SRGAP2: variants seen among roughly 807,000 people sequenced by gnomAD.
The protein encoded by SRGAP2 is SLIT-ROBO Rho GTPase-activating protein 2.
A neutral mutation model predicts 57.2 loss-of-function variants in SRGAP2; 15 were observed. That is an observed-to-expected ratio of 0.26 (90% confidence interval 0.18 to 0.40). The LOEUF (loss-of-function observed/expected upper bound fraction) is 0.40. Ranked by LOEUF, SRGAP2 falls within the 10% of genes least tolerant of loss-of-function variation. SRGAP2 has a pLI of 1.00. For missense variants in SRGAP2, 520 were observed against 669.6 expected (o/e 0.78, Z 2.47); for synonymous variants, 249 against 248.0 (o/e 1.00, Z -0.04).
intron 18 of SRGAP2, among the ~76,000 whole-genome samples, chr1:206,447,712 T>C (rs1027464615): frequency 6.6e-6 from 1 of 152,194 alleles, no homozygotes; most frequent in Non-Finnish European, 1.5e-5. Flanking sequence ...TAGCATTCCC[T>C]TCCTTCTAAA....
intron 7 of SRGAP2, among the ~76,000 whole-genome samples, chr1:206,394,038 CTTTTTTTTTT>C (rs577375533): frequency 4.0e-5 from 2 of 49,900 alleles, no homozygotes; most frequent in Admixed American, 2.3e-4. Flanking sequence ...TACTTTCTTC[CTTTTTTTTTT>C]TTTTTTTTTT....
chr1:206,458,743 C>T lies in SRGAP2; in HGVS notation c.2628C>T (p.Ser876=), dbSNP rs1412660478. The change falls in exon 22 of 23, where the codon TCC becomes TCT. Residue 876 remains serine, a synonymous_variant. Transcript: ENST00000573034. ...GGGTGGGGGCTAGCTGCCGCCCATC[C>T]TCCCAGCCCATCATGAGCCAGAGCC... The part of the protein sequence containing the change: ...SPGVGASCRP[S]SQPIMSQSLP... 1 of 780,660 alleles carries T rather than the reference C, an allele frequency of 1.3e-6. No individual in the cohort carries two copies. Among genetic ancestry groups the T allele is most frequent in the Admixed American group, 1.7e-5 (1 of 59,014 alleles). 48.4% of individuals were successfully genotyped at this position (780,660 alleles called of 1,614,324 possible).
chr1:206,434,152 A>T (rs1055020949), intron 14 of SRGAP2, among the ~76,000 whole-genome samples: 17 of 152,184 alleles, frequency 1.1e-4, no homozygotes, highest in Non-Finnish European at 1.5e-4. Flanking sequence ...CATCCTAACT[A>T]TCCTCAAATC....
chr1:206,357,614 G>T (rs1462737779), intron 4 of SRGAP2, among the ~76,000 whole-genome samples: 3 of 135,722 alleles, frequency 2.2e-5, no homozygotes, highest in East Asian at 2.1e-4. Context: ...TGGAGATGGA[G>T]TTTCTTTTTT....
Position 206,454,589 on chromosome 1 carries a change from G to T in SRGAP2, c.2361-289G>T. ...GCACGGCCTCCCCAGGAAGCAGCAT[G>T]GGGTAGAAGGCAGATGCCTCGAATC... On this transcript the variant is annotated intron_variant, in intron 20 of 22. Coordinates refer to ENST00000573034, the MANE Select transcript of SRGAP2 (RefSeq NM_015326.5). This position sits in a 1 kb window ranked among gnomAD's most constrained non-coding sequence, Gnocchi z 4.3. 2.3e-6 allele frequency: 1 copy of T among 436,406 alleles called. No individual in the cohort carries two copies. The highest frequency in any genetic ancestry group is 4.1e-6 in the Non-Finnish European group (1 of 246,496). 27.0% of individuals were successfully genotyped at this position (436,406 alleles called of 1,614,324 possible).
chr1:206,205,639 A>G lies in SRGAP2; in HGVS notation c.-332A>G. 1 of 258,680 alleles carries G rather than the reference A, an allele frequency of 3.9e-6. No individual in the cohort carries two copies. The highest frequency in any genetic ancestry group is 7.2e-6 in the Non-Finnish European group (1 of 138,744). 16.0% of individuals were successfully genotyped at this position (258,680 alleles called of 1,614,324 possible). A position where few individuals can be genotyped will look rare whatever the true frequency, so the allele number is the denominator to read the frequency against. ...GCAGCCCCACACCATGTTGTGCGGA[A>G]GGACTTCCACTCCCCGCCTGTGTCG... On this transcript the variant is annotated 5_prime_UTR_variant, in exon 2 of 23. Transcript: ENST00000573034.
At chr1:206,429,817 G>C (rs756241624) in intron 13 of SRGAP2, among the ~76,000 whole-genome samples, 1 of 152,192 alleles carries the variant, frequency 6.6e-6, no homozygotes, top group Admixed American at 6.5e-5. Flanking sequence ...GAACTAGGTT[G>C]GGGGCAGTTG....
intron 2 of SRGAP2, among the ~76,000 whole-genome samples, chr1:206,245,742 GT>G (rs1250026666): frequency 3.1e-5 from 3 of 95,438 alleles, no homozygotes; most frequent in African/African-American, 1.3e-4. Context: ...GTGTAGGGGT[GT>G]TGGGACAGGA....
chr1:206,207,809 T>G (rs1666057891), intron 2 of SRGAP2: 1 of 106,184 alleles, frequency 9.4e-6, no homozygotes, highest in African/African-American at 3.9e-5. Flanking sequence ...ATCTGCCAAT[T>G]TCTTATTGGC....
chr1:206,213,756 CA>C, intron 2 of SRGAP2, among the ~76,000 whole-genome samples: 1 of 151,886 alleles, frequency 6.6e-6, no homozygotes. Flanking sequence ...CTCATCTCTA[CA>C]AAAATACAAA....
chr1:206,418,381 T>G (rs1659933686), intron 11 of SRGAP2, among the ~76,000 whole-genome samples: 1 of 152,224 alleles, frequency 6.6e-6, no homozygotes, highest in South Asian at 2.1e-4. Flanking sequence ...ATTACCAACC[T>G]TTAAAGGCAA....
At chr1:206,446,392 C>G (rs1553373846) in intron 18 of SRGAP2, 93 bp downstream of exon 18, 21 of 730,848 alleles carry the variant, frequency 2.9e-5, no homozygotes, top group Non-Finnish European at 5.0e-5. Context: ...AGGGAAACAC[C>G]CAGATCCTCC....
chr1:206,252,242 A>T (rs1668881326), intron 2 of SRGAP2, among the ~76,000 whole-genome samples: 1 of 146,244 alleles, frequency 6.8e-6, no homozygotes, highest in South Asian at 2.3e-4. Flanking sequence ...TTTAAGATTT[A>T]GGCCTGCTTT....
At chr1:206,225,593 G>A (rs530931810) in intron 2 of SRGAP2, among the ~76,000 whole-genome samples, 3 of 152,124 alleles carry the variant, frequency 2.0e-5, no homozygotes, top group Non-Finnish European at 2.9e-5. Flanking sequence ...ACCCCCATCC[G>A]CCTTTCATTA....
intron 18 of SRGAP2, among the ~76,000 whole-genome samples, chr1:206,447,811 C>A (rs945116320): frequency 6.6e-6 from 1 of 152,222 alleles, no homozygotes; most frequent in African/African-American, 2.4e-5. Context: ...CCCTACAGCC[C>A]TGGCCCCTGA....
intron 3 of SRGAP2, among the ~76,000 whole-genome samples, chr1:206,306,301 T>A (rs1434979576): frequency 4.6e-5 from 7 of 152,082 alleles, no homozygotes; most frequent in Admixed American, 4.6e-4. Flanking sequence ...TCTGGTGGGT[T>A]CGTGGTCTCG....
chr1:206,285,778 A>T (rs1178763884), intron 2 of SRGAP2, among the ~76,000 whole-genome samples: 2 of 152,064 alleles, frequency 1.3e-5, no homozygotes, highest in African/African-American at 4.8e-5. Flanking sequence ...AGCGGTTCTC[A>T]TGGCTTGGCT....
intron 14 of SRGAP2, among the ~76,000 whole-genome samples, chr1:206,436,188 G>T (rs1433002209): frequency 6.6e-6 from 1 of 152,088 alleles, no homozygotes; most frequent in Admixed American, 6.5e-5. Context: ...CAAAAGATTG[G>T]ATGCTCCTGA....
intron 10 of SRGAP2, among the ~76,000 whole-genome samples, chr1:206,413,606 GT>G (rs1553360304): frequency 6.6e-5 from 10 of 152,186 alleles, no homozygotes; most frequent in Non-Finnish European, 2.9e-5. Context: ...TAGGGGCTTG[GT>G]TTGTAACTGC....
Sources: gnomAD v4.1 joint callset for allele counts (sites outside exome capture counted in the v4.1 genomes callset) on GRCh38, gnomAD v4.1.1 for gene constraint, Gnocchi (gnomAD v3.1) non-coding constraint, MANE v1.5 for transcripts, NCBI Gene and HGNC (gene_info 2026-07-23, HGNC 2026-07-21) for gene names.